FLACC1: variants seen among roughly 807,000 people sequenced by gnomAD.
FLACC1 encodes flagellum associated containing coiled-coil domains 1, also known as flagellum-associated coiled-coil domain-containing protein 1.
In FLACC1, 66 loss-of-function variants were observed where a neutral mutation model predicts 62.8. The ratio of observed to expected loss-of-function variants is 1.05; its 90% CI spans 0.86 to 1.29. The LOEUF (loss-of-function observed/expected upper bound fraction) is 1.29, where lower values mean the gene tolerates loss of function less well. Ranked by LOEUF, FLACC1 falls within the 50% of genes most tolerant of loss-of-function variation. The probability of loss-of-function intolerance (pLI) is 0.00; values close to 1 mark genes in which losing one functional copy is unlikely to be tolerated. For synonymous variants in FLACC1, 156 were observed against 161.0 expected (o/e 0.97, Z 0.24); for missense variants, 452 against 489.1 (o/e 0.92, Z 0.71).
chr2:201,360,951 G>A (rs540276028), upstream of FLACC1, among the ~76,000 whole-genome samples: 4 of 152,282 alleles, frequency 2.6e-5, no homozygotes, highest in South Asian at 8.3e-4. Flanking sequence ...GGTGGTGCAT[G>A]CTTGTAGTCC....
chr2:201,335,802 T>G (rs1018740511), intron 7 of FLACC1, among the ~76,000 whole-genome samples: 2 of 152,208 alleles, frequency 1.3e-5, no homozygotes, highest in African/African-American at 4.8e-5. Context: ...TTCCAATCCA[T>G]GAACATGGAA....
intron 12 of FLACC1, among the ~76,000 whole-genome samples, chr2:201,290,726 C>T (rs1949714470): frequency 2.0e-5 from 3 of 152,072 alleles, no homozygotes; most frequent in Non-Finnish European, 2.9e-5. Flanking sequence ...CGAAGCAGGG[C>T]GAGGCATCAC....
Position 201,346,829 on chromosome 2 carries a change from CT to C in FLACC1, c.235-155del, listed in dbSNP as rs1285569619. ...GGCCCTTCACCCATTATAGCTCATT[CT>C]CACATCTCTCCGACTCAAATCTGAT... On this transcript the variant is annotated intron_variant, in intron 4 of 14. Coordinates refer to ENST00000392257, the MANE Select transcript of FLACC1 (RefSeq NM_001127391.3). The surrounding 1 kb of genome is among the most constrained non-coding windows in gnomAD (Gnocchi z 4.0). 6.6e-6 allele frequency among the ~76,000 whole-genome samples: 1 copy of C among 152,210 alleles called. No homozygotes were observed. The highest frequency in any genetic ancestry group is 1.9e-4 in the East Asian group (1 of 5,188).
Position 201,330,730 on chromosome 2 carries a change from C to T in FLACC1, c.622+6G>A, listed in dbSNP as rs770638449. On this transcript the variant is annotated splice_donor_region_variant and intron_variant, in intron 8 of 14. Transcript: ENST00000392257. ...CCAGGGTCATTCTCCCAGGTCCCAG[C>T]AGTACCTAGCTTCTCTTGGGCAGCC... 3.7e-6 allele frequency: 6 copies of T among 1,613,328 alleles called. No individual in the cohort carries two copies. The highest frequency in any genetic ancestry group is 5.1e-6 in the Non-Finnish European group (6 of 1,179,590).
chr2:201,354,242 C>T (rs1055139882), intron 1 of FLACC1, among the ~76,000 whole-genome samples: 2 of 152,186 alleles, frequency 1.3e-5, no homozygotes, highest in Non-Finnish European at 2.9e-5. Context: ...GAGGCTCGTG[C>T]TGTGAGTCCT....
At chr2:201,343,526 G>T (rs1428123488) in intron 6 of FLACC1, among the ~76,000 whole-genome samples, 1 of 152,182 alleles carries the variant, frequency 6.6e-6, no homozygotes, top group Non-Finnish European at 1.5e-5. Context: ...ATCAGAGGGT[G>T]AGAGGCTGCC....
chr2:201,313,353 C>G (rs1269164970), intron 9 of FLACC1, among the ~76,000 whole-genome samples: 1 of 152,100 alleles, frequency 6.6e-6, no homozygotes, highest in Non-Finnish European at 1.5e-5. Context: ...TGGAAACAGA[C>G]TTGGTACTAC....
At chr2:201,312,042 CCT>C (rs1950226503) in intron 9 of FLACC1, among the ~76,000 whole-genome samples, 1 of 152,192 alleles carries the variant, frequency 6.6e-6, no homozygotes, top group Admixed American at 6.5e-5. Flanking sequence ...CCCACTCTCA[CCT>C]CTCTTATTCA....
intron 9 of FLACC1, among the ~76,000 whole-genome samples, chr2:201,319,885 C>T (rs1405106852): frequency 1.3e-5 from 2 of 152,200 alleles, no homozygotes; most frequent in African/African-American, 4.8e-5. Context: ...TCTACAGACC[C>T]TTTGAAGGAA....
chr2:201,342,138 G>C (rs1950821609), intron 7 of FLACC1, among the ~76,000 whole-genome samples: 1 of 152,184 alleles, frequency 6.6e-6, no homozygotes, highest in South Asian at 2.1e-4. Flanking sequence ...TGAAATGAAA[G>C]GATTGGATGA....
rs1950912623 is a variant in FLACC1, at chr2:201,346,290, G to C, written c.368+252C>G. ...CCCACGAACAATTGCTATCCTTTGG[G>C]ATCAATCACATAACTCCCAATCTTC... On this transcript the variant is annotated intron_variant, in intron 5 of 14. Coordinates refer to ENST00000392257, the MANE Select transcript of FLACC1 (RefSeq NM_001127391.3). The surrounding 1 kb of genome is among the most constrained non-coding windows in gnomAD (Gnocchi z 4.0). Among the ~76,000 whole-genome samples, 2 of 152,188 alleles carry C rather than the reference G, an allele frequency of 1.3e-5. No individual in the cohort carries two copies. Among genetic ancestry groups the C allele is most frequent in the African/African-American group, 4.8e-5 (2 of 41,444 alleles).
chr2:201,321,194 A>C (rs978862773), intron 9 of FLACC1, among the ~76,000 whole-genome samples: 1 of 152,158 alleles, frequency 6.6e-6, no homozygotes, highest in African/African-American at 2.4e-5. Flanking sequence ...ACTTGAAGAG[A>C]GGTCACATCA....
intron 11 of FLACC1, among the ~76,000 whole-genome samples, chr2:201,307,229 G>A (rs1235987493): frequency 6.6e-6 from 1 of 152,174 alleles, no homozygotes; most frequent in East Asian, 1.9e-4. Flanking sequence ...ATGGGATTTT[G>A]GCAAAATAAG....
At chr2:201,319,578 T>G (rs964531398) in intron 9 of FLACC1, among the ~76,000 whole-genome samples, 1 of 152,032 alleles carries the variant, frequency 6.6e-6, no homozygotes, top group Non-Finnish European at 1.5e-5. Flanking sequence ...ACAGGCAACC[T>G]ACAAAAAAAG....
intron 10 of FLACC1, among the ~76,000 whole-genome samples, chr2:201,308,255 G>A (rs1442783226): frequency 6.6e-6 from 1 of 152,192 alleles, no homozygotes; most frequent in African/African-American, 2.4e-5. Context: ...AACATGGGAT[G>A]AGAGTCGTAT....
intron 11 of FLACC1, among the ~76,000 whole-genome samples, chr2:201,304,159 A>G (rs1302191307): frequency 6.6e-6 from 1 of 152,248 alleles, no homozygotes; most frequent in Non-Finnish European, 1.5e-5. Context: ...TGCAGATGAC[A>G]TGAATTGTAT....
In FLACC1 at chr2:201,343,369, A is replaced by G. The variant is rs1950848882; in HGVS notation, c.462+801T>C. The stretch of plus-strand genomic sequence containing the variant: ...TTCCCTGAGTCTCATTTTCCTTTCT[A>G]TAGAAGGAGACCATAAACCTGGCAG... On this transcript the variant is annotated intron_variant, in intron 6 of 14. Coordinates refer to ENST00000392257, the MANE Select transcript of FLACC1 (RefSeq NM_001127391.3). 2.0e-5 allele frequency among the ~76,000 whole-genome samples: 3 copies of G among 152,112 alleles called. 1 individual carries two copies. In the South Asian group the frequency reaches 6.2e-4, roughly 32 times the overall value.
intron 1 of FLACC1, among the ~76,000 whole-genome samples, chr2:201,356,084 C>T (rs965931560): frequency 6.6e-6 from 1 of 152,126 alleles, no homozygotes; most frequent in African/African-American, 2.4e-5. Flanking sequence ...GGAGTTGGGA[C>T]AACCAAGGTG....
chr2:201,326,497 A>G lies in FLACC1; in HGVS notation c.675+3973T>C, dbSNP rs1950502700. 6.6e-6 allele frequency among the ~76,000 whole-genome samples: 1 copy of G among 152,226 alleles called. No homozygotes were observed. Among genetic ancestry groups the G allele is most frequent in the Non-Finnish European group, 1.5e-5 (1 of 68,028 alleles). ...CTCAGTTTACAAAATCAGTGTACAC[A>G]TATCAGTAGCACTGCTATACGCTAA... is the stretch of plus-strand genomic sequence containing the variant. On this transcript the variant is annotated intron_variant, in intron 9 of 14. Coordinates refer to ENST00000392257, the MANE Select transcript of FLACC1 (RefSeq NM_001127391.3). The surrounding 1 kb of genome is among the most constrained non-coding windows in gnomAD (Gnocchi z 4.1).
Sources: gnomAD v4.1 joint callset for allele counts (sites outside exome capture counted in the v4.1 genomes callset) on GRCh38, gnomAD v4.1.1 for gene constraint, Gnocchi (gnomAD v3.1) non-coding constraint, MANE v1.5 for transcripts, NCBI Gene and HGNC (gene_info 2026-07-23, HGNC 2026-07-21) for gene names.